MCF2L2: variants seen among roughly 807,000 people sequenced by gnomAD.
MCF2L2 encodes the protein probable guanine nucleotide exchange factor MCF2L2.
In MCF2L2, 102 loss-of-function variants were observed where a neutral mutation model predicts 150.2. The observed-to-expected ratio is 0.68, with a 90% CI of 0.58 to 0.80. The LOEUF (loss-of-function observed/expected upper bound fraction) is 0.80. MCF2L2 is among the 30% of genes least tolerant of loss of function. The pLI is 0.00. For missense variants in MCF2L2, 1,256 were observed against 1,372.8 expected, an observed-to-expected ratio of 0.91 and a Z score of 1.34; for synonymous variants, 465 against 491.3, an observed-to-expected ratio of 0.95 and a Z score of 0.71.
chr3:183,214,779 G>A lies in MCF2L2; in HGVS notation c.2496+1190C>T, dbSNP rs553143347. Among the ~76,000 whole-genome samples, 14 of 151,244 alleles carry A rather than the reference G, an allele frequency of 9.3e-5. 1 individual carries two copies. In the South Asian group the frequency reaches 2.9e-3, roughly 32 times the overall value. ...AGATGGGTGGATCACGAGGTCAGGA[G>A]TTCGAGACCAGCCTGACCAACATGG... On this transcript the variant is annotated intron_variant, in intron 22 of 29. Transcript: ENST00000328913.
At chr3:183,308,841 C>A (rs1729225551) in intron 10 of MCF2L2, among the ~76,000 whole-genome samples, 1 of 152,204 alleles carries the variant, frequency 6.6e-6, no homozygotes. Flanking sequence ...CAGAGGCTCA[C>A]ACTTTGGCAA....
chr3:183,297,019 T>C lies in MCF2L2; in HGVS notation c.1454A>G (p.Glu485Gly). 4 of 1,614,086 alleles carry C rather than the reference T, an allele frequency of 2.5e-6. No homozygotes were observed. The highest frequency in any genetic ancestry group is 3.4e-6 in the Non-Finnish European group (4 of 1,179,994). Residue 485 changes from glutamate to glycine, a missense_variant, in exon 12 of 30, where the codon GAG becomes GGG. Coordinates refer to ENST00000328913, the MANE Select transcript of MCF2L2 (RefSeq NM_015078.4). ...VKEYPLLSPK[E>G]FYNEFELLLT... ...CAGCAACTCAAACTCGTTGTAAAAC[T>C]CCTTGGGGCTGAGCAACGGGTACTC...
chr3:183,193,556 G>A (rs546705836), intron 26 of MCF2L2, among the ~76,000 whole-genome samples: 77 of 152,086 alleles, frequency 5.1e-4, no homozygotes, highest in African/African-American at 1.5e-3. Flanking sequence ...TCACCATGTT[G>A]GCCAGGATGG....
intron 25 of MCF2L2, among the ~76,000 whole-genome samples, chr3:183,204,581 G>C (rs1452767750): frequency 6.6e-6 from 1 of 152,126 alleles, no homozygotes; most frequent in Non-Finnish European, 1.5e-5. Flanking sequence ...TGGTGGTACT[G>C]TTTTGAAAGA....
Position 183,309,696 on chromosome 3 carries a change from A to G in MCF2L2, c.1113+20T>C, listed in dbSNP as rs753159679. The G allele has an allele frequency of 1.9e-6, 3 of 1,613,824 alleles. No homozygotes were observed. Among genetic ancestry groups the G allele is most frequent in the Non-Finnish European group, 2.5e-6 (3 of 1,179,936 alleles). Reference sequence around the variant, plus strand: ...CACAGCAACCTCCCTCCCAGTACACAAAAATGTCAGAAAGCAAACCTGGCT... The same window carrying G: ...CACAGCAACCTCCCTCCCAGTACACGAAAATGTCAGAAAGCAAACCTGGCT... On this transcript the variant is annotated intron_variant, in intron 10 of 29. Coordinates refer to ENST00000328913, the MANE Select transcript of MCF2L2 (RefSeq NM_015078.4).
intron 3 of MCF2L2, among the ~76,000 whole-genome samples, chr3:183,360,106 A>G (rs1193257188): frequency 6.6e-6 from 1 of 152,252 alleles, no homozygotes; most frequent in Non-Finnish European, 1.5e-5. Context: ...AAACGTGCCT[A>G]GAAGACACGG....
In MCF2L2 at chr3:183,402,245, C is replaced by G. The variant is rs1161713263; in HGVS notation, c.77-12466G>C. Reference sequence around the variant, plus strand: ...GATCACGAGGTCAGGAGATCAAGACCATCCTGGCTAACATGGTGAAACCCC... The same window carrying G: ...GATCACGAGGTCAGGAGATCAAGACGATCCTGGCTAACATGGTGAAACCCC... On this transcript the variant is annotated intron_variant, in intron 1 of 29. Transcript: ENST00000328913. 1.3e-5 allele frequency among the ~76,000 whole-genome samples: 2 copies of G among 151,310 alleles called. 1 individual carries two copies. The highest frequency in any genetic ancestry group is 4.2e-4 in the South Asian group (2 of 4,798).
At chr3:183,228,060 G>C in intron 18 of MCF2L2, 1 of 167,432 alleles carries the variant, frequency 6.0e-6, no homozygotes, top group Non-Finnish European at 1.2e-5. Flanking sequence ...GGTAATGAAT[G>C]TATTCATTAA....
intron 6 of MCF2L2, among the ~76,000 whole-genome samples, chr3:183,318,980 T>G (rs1221147735): frequency 2.0e-5 from 3 of 152,238 alleles, no homozygotes; most frequent in East Asian, 3.8e-4. Context: ...TGGTGACAAT[T>G]TCTTAAAGTA....
chr3:183,316,332 T>TTTTTGTTTTGTTTTG (rs138800644), intron 7 of MCF2L2, among the ~76,000 whole-genome samples: 1 of 150,752 alleles, frequency 6.6e-6, no homozygotes. Context: ...TTTTGGTGTT[T>TTTTTGTTTTGTTTTG]TTTTGTTTTG....
At chr3:183,363,303 A>G (rs954175346) in intron 3 of MCF2L2, among the ~76,000 whole-genome samples, 4 of 152,188 alleles carry the variant, frequency 2.6e-5, no homozygotes, top group African/African-American at 9.7e-5. Context: ...AGATCCATTA[A>G]TTTTGCTCTT....
chr3:183,306,812 C>T (rs1729121728), intron 10 of MCF2L2, among the ~76,000 whole-genome samples: 2 of 152,200 alleles, frequency 1.3e-5, no homozygotes, highest in South Asian at 4.1e-4. Flanking sequence ...GGCCTGGGTT[C>T]CATGCCTTCT....
intron 1 of MCF2L2, among the ~76,000 whole-genome samples, chr3:183,415,290 G>A (rs978489424): frequency 5.9e-5 from 9 of 151,870 alleles, no homozygotes; most frequent in African/African-American, 1.9e-4. Context: ...AGGTTCAACC[G>A]ATTCTCCTGC....
chr3:183,350,599 T>C (rs536391402), intron 3 of MCF2L2, among the ~76,000 whole-genome samples: 2 of 152,268 alleles, frequency 1.3e-5, no homozygotes, highest in East Asian at 1.9e-4. Flanking sequence ...TCACACCCTA[T>C]ATGCAGAGTT....
intron 3 of MCF2L2, among the ~76,000 whole-genome samples, chr3:183,345,650 T>G (rs1730869126): frequency 6.6e-6 from 1 of 151,822 alleles, no homozygotes; most frequent in Non-Finnish European, 1.5e-5. Flanking sequence ...GTGAAAAGAT[T>G]AACAAAATAG....
chr3:183,411,977 C>T lies in MCF2L2; in HGVS notation c.76+15925G>A, dbSNP rs77572062. On this transcript the variant is annotated intron_variant, in intron 1 of 29. Coordinates refer to ENST00000328913, the MANE Select transcript of MCF2L2 (RefSeq NM_015078.4). ...GAAGGAAAGCTGTGTACGTGAATTACGTTTTCTCTGTGAAATGCACAGAAG... is the reference window on the plus strand; with the variant it reads ...GAAGGAAAGCTGTGTACGTGAATTATGTTTTCTCTGTGAAATGCACAGAAG... 6.4e-4 allele frequency among the ~76,000 whole-genome samples: 97 copies of T among 152,240 alleles called. 1 individual carries two copies. The East Asian group carries it at 0.016, about 25-fold the overall frequency.
intron 19 of MCF2L2, 89 bp downstream of exon 19, chr3:183,224,009 G>T: frequency 2.1e-6 from 2 of 933,310 alleles, no homozygotes; most frequent in East Asian, 2.4e-5. Context: ...GCAATGCCAA[G>T]TTCCTCTCCC....
chr3:183,281,169 C>T (rs73884635), intron 14 of MCF2L2, among the ~76,000 whole-genome samples: 3,917 of 151,988 alleles, frequency 0.026, 174 homozygotes, highest in African/African-American at 0.087. Flanking sequence ...ATTATCAAAA[C>T]GTTCTCTACC....
intron 3 of MCF2L2, among the ~76,000 whole-genome samples, chr3:183,349,655 C>T (rs532720292): frequency 5.9e-5 from 9 of 152,286 alleles, no homozygotes; most frequent in South Asian, 2.1e-4. Context: ...CTTAACCTAA[C>T]GAAACAGATG....
Sources: gnomAD v4.1 joint callset for allele counts (sites outside exome capture counted in the v4.1 genomes callset) on GRCh38, gnomAD v4.1.1 for gene constraint, MANE v1.5 for transcripts, NCBI Gene and HGNC (gene_info 2026-07-23, HGNC 2026-07-21) for gene names.